The following ARL15 variants were observed in gnomAD, a reference collection of about 807,000 sequenced individuals.
The protein encoded by ARL15 is ARF like GTPase 15.
In ARL15, 19 loss-of-function variants were observed where a neutral mutation model predicts 25.2. That is an observed-to-expected ratio of 0.75 (90% confidence interval 0.53 to 1.10). ARL15 has a LOEUF of 1.10. Among genes scored for constraint, ARL15 ranks in the 50% least tolerant of loss-of-function variants. The pLI, the probability that ARL15 is intolerant of heterozygous loss-of-function variation, is 0.00. For synonymous variants in ARL15, 94 were observed against 86.8 expected (o/e 1.08, Z -0.46); for missense variants, 220 against 246.0 (o/e 0.89, Z 0.71).
intron 1 of ARL15, among the ~76,000 whole-genome samples, chr5:54,268,069 A>G (rs906183901): frequency 2.6e-5 from 4 of 151,562 alleles, no homozygotes; most frequent in African/African-American, 9.7e-5. Flanking sequence ...GTGTTTTCCA[A>G]TTTGGTTCCA....
intron 4 of ARL15, among the ~76,000 whole-genome samples, chr5:53,910,151 T>C (rs1745404602): frequency 6.6e-6 from 1 of 152,194 alleles, no homozygotes; most frequent in Admixed American, 6.5e-5. Context: ...GCAATGTTTA[T>C]ATGTGGATTT....
intron 4 of ARL15, among the ~76,000 whole-genome samples, chr5:53,964,135 G>A (rs1360475722): frequency 6.6e-6 from 1 of 152,134 alleles, no homozygotes; most frequent in Non-Finnish European, 1.5e-5. Flanking sequence ...TTCTCAGCAA[G>A]TGCTACCTGT....
intron 4 of ARL15, among the ~76,000 whole-genome samples, chr5:53,936,737 A>G (rs62372393): frequency 0.03 from 4,570 of 152,170 alleles, 119 homozygotes; most frequent in Admixed American, 0.081. Context: ...ATTTTTTTGC[A>G]TGCATTTTAT....
intron 2 of ARL15, among the ~76,000 whole-genome samples, chr5:54,155,946 C>A (rs1754221029): frequency 6.6e-6 from 1 of 152,078 alleles, no homozygotes; most frequent in South Asian, 2.1e-4. Flanking sequence ...GGTTTTTAAG[C>A]ATTATTTAAT....
chr5:54,207,827 C>G (rs1222369101), intron 1 of ARL15, among the ~76,000 whole-genome samples: 2 of 152,156 alleles, frequency 1.3e-5, no homozygotes, highest in African/African-American at 4.8e-5. Flanking sequence ...TGGTTCAGAT[C>G]TCTTTAAAGA....
intron 1 of ARL15, among the ~76,000 whole-genome samples, chr5:54,200,243 A>C (rs1257604479): frequency 5.9e-5 from 9 of 151,932 alleles, no homozygotes; most frequent in Non-Finnish European, 1.5e-5. Context: ...ATGTATACAT[A>C]TGTAAGTAAC....
intron 4 of ARL15, among the ~76,000 whole-genome samples, chr5:54,069,947 T>C (rs2057697030): frequency 6.9e-6 from 1 of 145,492 alleles, no homozygotes; most frequent in Admixed American, 6.8e-5. Flanking sequence ...AGTGCTGGGA[T>C]TACAGGCGTG....
intron 3 of ARL15, among the ~76,000 whole-genome samples, chr5:54,130,822 G>A (rs1753404367): frequency 6.6e-6 from 1 of 152,176 alleles, no homozygotes; most frequent in Admixed American, 6.5e-5. Flanking sequence ...GCCATGGTTT[G>A]AAGGAAACTT....
At chr5:54,247,071 T>G (rs1757108776) in intron 1 of ARL15, among the ~76,000 whole-genome samples, 1 of 152,136 alleles carries the variant, frequency 6.6e-6, no homozygotes, top group African/African-American at 2.4e-5. Flanking sequence ...TAAAATAATT[T>G]GCATTTTTGT....
At chr5:54,083,033 A>G (rs900105151) in intron 4 of ARL15, among the ~76,000 whole-genome samples, 1 of 152,148 alleles carries the variant, frequency 6.6e-6, no homozygotes, top group Admixed American at 6.5e-5. Flanking sequence ...AGGGAAACAG[A>G]AAGAAAAATA....
In ARL15 at chr5:54,095,700, T is replaced by C. The variant is rs376533159; in HGVS notation, c.462+17502A>G. Among the ~76,000 whole-genome samples, 5 of 152,178 alleles carry C rather than the reference T, an allele frequency of 3.3e-5. No individual in the cohort carries two copies. In the East Asian group the frequency reaches 7.7e-4, roughly 23 times the overall value. Reference sequence around the variant, plus strand: ...ATAGCCACTCTGTCTCACAAATATATAAAAACACACTTGGCTTAGTTTCTT... The same window carrying C: ...ATAGCCACTCTGTCTCACAAATATACAAAAACACACTTGGCTTAGTTTCTT... On this transcript the variant is annotated intron_variant, in intron 4 of 4. Coordinates refer to ENST00000504924, the MANE Select transcript of ARL15 (RefSeq NM_019087.3).
chr5:54,230,936 G>A (rs1173508584), intron 1 of ARL15, among the ~76,000 whole-genome samples: 4 of 152,112 alleles, frequency 2.6e-5, no homozygotes, highest in Non-Finnish European at 5.9e-5. Context: ...GAAATATTGA[G>A]AGGAATTAAG....
intron 4 of ARL15, among the ~76,000 whole-genome samples, chr5:54,068,834 A>G (rs2112060459): frequency 6.6e-6 from 1 of 152,314 alleles, no homozygotes; most frequent in South Asian, 2.1e-4. Flanking sequence ...TAATTAGGAA[A>G]ATGAGTTCTG....
intron 1 of ARL15, among the ~76,000 whole-genome samples, chr5:54,225,582 C>T (rs1198333099): frequency 1.3e-5 from 2 of 152,098 alleles, no homozygotes; most frequent in Non-Finnish European, 2.9e-5. Flanking sequence ...ATGAGAGGCT[C>T]TTGTGAAGCG....
At chr5:53,910,701 C>T (rs193155998) in intron 4 of ARL15, among the ~76,000 whole-genome samples, 35 of 136,832 alleles carry the variant, frequency 2.6e-4, no homozygotes, top group Non-Finnish European at 3.4e-4. Flanking sequence ...GAATTATGCT[C>T]GAACAGCTTT....
In ARL15 at chr5:53,916,042, G is replaced by A. The variant is rs561164731; in HGVS notation, c.463-29329C>T. Among the ~76,000 whole-genome samples, 9 of 152,236 alleles carry A rather than the reference G, an allele frequency of 5.9e-5. No individual in the cohort carries two copies. In the South Asian group the frequency reaches 1.9e-3, roughly 32 times the overall value. ...TCATCTCAGCCTCCCAAGTAACTGG[G>A]ACTGCAGGCACACACTATTGCACCT... On this transcript the variant is annotated intron_variant, in intron 4 of 4. Transcript: ENST00000504924.
Position 53,987,316 on chromosome 5 carries a change from C to T in ARL15, c.463-100603G>A, listed in dbSNP as rs373426908. Among the ~76,000 whole-genome samples the T allele has an allele frequency of 2.0e-4, 24 of 120,254 alleles. No homozygotes were observed. In the South Asian group the frequency reaches 6.1e-3, roughly 30 times the overall value. 78.9% of individuals were successfully genotyped at this position (120,254 alleles called of 152,430 possible). Reference sequence around the variant, plus strand: ...AAACTTTTAATTAAGTCCATCTGGCCGGGGGTGGGGTGGGGAGGGGTGTCT... The same window carrying T: ...AAACTTTTAATTAAGTCCATCTGGCTGGGGGTGGGGTGGGGAGGGGTGTCT... On this transcript the variant is annotated intron_variant, in intron 4 of 4. Transcript: ENST00000504924.
chr5:54,120,656 T>C (rs2112241725), intron 3 of ARL15, among the ~76,000 whole-genome samples: 1 of 152,306 alleles, frequency 6.6e-6, no homozygotes, highest in East Asian at 1.9e-4. Flanking sequence ...TAGTTCCAAA[T>C]GTTTTTTAAG....
chr5:54,056,125 C>G (rs10052769), intron 4 of ARL15, among the ~76,000 whole-genome samples: 1 of 152,128 alleles, frequency 6.6e-6, no homozygotes, highest in East Asian at 1.9e-4. Context: ...GGTTCACATA[C>G]GAGTTCTGCT....
Sources: gnomAD v4.1 joint callset for allele counts (sites outside exome capture counted in the v4.1 genomes callset) on GRCh38, gnomAD v4.1.1 for gene constraint, MANE v1.5 for transcripts, NCBI Gene and HGNC (gene_info 2026-07-23, HGNC 2026-07-21) for gene names.